Variants in SEMA5B observed in about 807,000 individuals in gnomAD.
SEMA5B encodes the protein semaphorin-5B.
SEMA5B carries 66 observed loss-of-function variants against 135.0 expected under a neutral mutation model. The observed-to-expected ratio is 0.49, with a 90% CI of 0.40 to 0.60. The LOEUF is 0.60. Ranked by LOEUF, SEMA5B falls within the 20% of genes least tolerant of loss-of-function variation. The pLI is 0.00. For synonymous variants in SEMA5B, 690 were observed against 639.5 expected (o/e 1.08, Z -1.19); for missense variants, 1,501 against 1,566.3 (o/e 0.96, Z 0.70).
chr3:122,948,654 C>A lies in SEMA5B; in HGVS notation c.180G>T (p.Val60=). The A allele has an allele frequency of 6.2e-7, 1 of 1,613,650 alleles. No individual in the cohort carries two copies. The change falls in exon 3 of 23, where the codon GTG becomes GTT. Residue 60 remains valine, a synonymous_variant. Transcript: ENST00000357599. ...GARTAEGPIM[V]LAGPLAVSLL... ...GCGAGACAGCCAGGGGGCCTGCAAG[C>A]ACCATGATAGGCCCCTCTGCAGTCC...
At chr3:122,961,066 AG>A in intron 2 of SEMA5B, 73 bp downstream of exon 2, 2 of 1,458,134 alleles carry the variant, frequency 1.4e-6, no homozygotes, top group Non-Finnish European at 1.9e-6. Context: ...GCCCCAGATG[AG>A]GGGGTCTTCT....
chr3:122,988,123 G>A (rs1015728112), intron 1 of SEMA5B, among the ~76,000 whole-genome samples: 2 of 152,084 alleles, frequency 1.3e-5, no homozygotes, highest in African/African-American at 4.8e-5. Flanking sequence ...CTCCCTCTGG[G>A]GTGAGACTCG....
chr3:122,953,842 T>G (rs1940162693), intron 2 of SEMA5B, among the ~76,000 whole-genome samples: 1 of 152,148 alleles, frequency 6.6e-6, no homozygotes. Context: ...TCCCCTCCAT[T>G]TATGGTCAAA....
intron 9 of SEMA5B, among the ~76,000 whole-genome samples, chr3:122,925,693 A>T (rs975066693): frequency 9.2e-5 from 14 of 152,154 alleles, no homozygotes; most frequent in Non-Finnish European, 1.8e-4. Flanking sequence ...AAAGAAAAAA[A>T]AAGAAAAAGA....
At chr3:122,967,208 C>A (rs1940893630) in intron 1 of SEMA5B, among the ~76,000 whole-genome samples, 1 of 152,032 alleles carries the variant, frequency 6.6e-6, no homozygotes, top group Non-Finnish European at 1.5e-5. Flanking sequence ...TTATAATAAG[C>A]CTTTAAATGT....
intron 2 of SEMA5B, among the ~76,000 whole-genome samples, chr3:122,951,673 C>G (rs1269513174): frequency 1.3e-5 from 2 of 152,220 alleles, no homozygotes; most frequent in Non-Finnish European, 2.9e-5. Context: ...ATTAGGGATC[C>G]CTGACAGGAG....
chr3:122,983,520 G>A (rs1941596160), intron 1 of SEMA5B, among the ~76,000 whole-genome samples: 1 of 151,714 alleles, frequency 6.6e-6, no homozygotes, highest in South Asian at 2.1e-4. Context: ...TTTTGGGGGA[G>A]CACAGAGAAG....
rs372915035 is a variant in SEMA5B, at chr3:122,963,295, G to A, written c.-38-1994C>T. On this transcript the variant is annotated intron_variant, in intron 1 of 22. Transcript: ENST00000357599. ...GCAGATCACTTGAGATCAGGAGTTC[G>A]AGACCAGCCTGACTAACATGGTGAA... Among the ~76,000 whole-genome samples the A allele has an allele frequency of 6.6e-5, 10 of 152,190 alleles. No individual in the cohort carries two copies. The East Asian group carries it at 9.7e-4, about 15-fold the overall frequency.
intron 5 of SEMA5B, among the ~76,000 whole-genome samples, chr3:122,930,468 G>A (rs1327672024): frequency 6.6e-6 from 1 of 152,268 alleles, no homozygotes; most frequent in Admixed American, 6.5e-5. Flanking sequence ...CCTGATATGA[G>A]AGAAGAGAGG....
chr3:123,001,729 C>A (rs888545157), intron 1 of SEMA5B, among the ~76,000 whole-genome samples: 3 of 152,150 alleles, frequency 2.0e-5, no homozygotes, highest in Non-Finnish European at 2.9e-5. Flanking sequence ...AGCCTCACAG[C>A]GAGTAGCCAG....
intron 1 of SEMA5B, among the ~76,000 whole-genome samples, chr3:123,026,505 G>A (rs1420948763): frequency 6.6e-6 from 1 of 152,268 alleles, no homozygotes; most frequent in East Asian, 1.9e-4. Flanking sequence ...CCTCCTCCTT[G>A]TTTAAAGTTT....
At chr3:122,918,993 C>CTTT (rs63373262) in intron 12 of SEMA5B, among the ~76,000 whole-genome samples, 85 of 80,336 alleles carry the variant, frequency 1.1e-3, no homozygotes, top group African/African-American at 2.8e-3. Flanking sequence ...ATCACCATGT[C>CTTT]TTTTTTTTTT....
intron 4 of SEMA5B, among the ~76,000 whole-genome samples, chr3:122,940,982 A>G (rs10934622): frequency 0.15 from 22,356 of 152,222 alleles, 2,010 homozygotes; most frequent in East Asian, 0.35. Context: ...CCCATCAAAA[A>G]TCATTCATCA....
chr3:122,966,578 G>A (rs1041216214), intron 1 of SEMA5B, among the ~76,000 whole-genome samples: 28 of 139,558 alleles, frequency 2.0e-4, no homozygotes, highest in Admixed American at 7.6e-4. Context: ...TTTTTGAGAC[G>A]GAGTCTCGCT....
At chr3:122,969,015 A>T (rs995260458) in intron 1 of SEMA5B, among the ~76,000 whole-genome samples, 1 of 152,206 alleles carries the variant, frequency 6.6e-6, no homozygotes, top group Non-Finnish European at 1.5e-5. Flanking sequence ...GTGAAAATAC[A>T]TGGGTTCTGT....
chr3:122,913,207 TCGCAGGAGCCGG>T lies in SEMA5B; in HGVS notation c.2486_2497del (p.Ser829_Asp833delinsTyr), dbSNP rs1275845756. On this transcript the variant is annotated inframe_deletion, in exon 17 of 23. Transcript: ENST00000357599. The stretch of plus-strand genomic sequence containing the variant: ...CGCCGGGCGCGGGGTACCGTCGGTG[TCGCAGGAGCCGG>T]AGCCGTCCGCGGGACAGGTCCTCGT... 1 of 1,564,166 alleles carries T rather than the reference TCGCAGGAGCCGG, an allele frequency of 6.4e-7. No homozygotes were observed. Among genetic ancestry groups the T allele is most frequent in the East Asian group, 2.4e-5 (1 of 42,054 alleles).
intron 2 of SEMA5B, among the ~76,000 whole-genome samples, chr3:122,952,388 T>C (rs1222778006): frequency 1.3e-5 from 2 of 152,110 alleles, no homozygotes; most frequent in East Asian, 3.9e-4. Context: ...CAAGGCCAAA[T>C]CTCTGGAGCC....
chr3:122,931,108 G>A (rs1352548337), intron 5 of SEMA5B, among the ~76,000 whole-genome samples: 1 of 152,048 alleles, frequency 6.6e-6, no homozygotes, highest in African/African-American at 2.4e-5. Flanking sequence ...AAGTTAAATA[G>A]TATTAAAATG....
intron 9 of SEMA5B, among the ~76,000 whole-genome samples, chr3:122,924,037 T>C (rs1481695620): frequency 2.6e-5 from 4 of 152,152 alleles, no homozygotes; most frequent in African/African-American, 9.7e-5. Context: ...TTTCAAACAT[T>C]GTAGTCCATG....
Sources: gnomAD v4.1 joint callset for allele counts (sites outside exome capture counted in the v4.1 genomes callset) on GRCh38, gnomAD v4.1.1 for gene constraint, MANE v1.5 for transcripts, NCBI Gene and HGNC (gene_info 2026-07-23, HGNC 2026-07-21) for gene names.